NTM: variants seen among roughly 807,000 people sequenced by gnomAD.
NTM encodes the protein neurotrimin.
A neutral mutation model predicts 42.1 loss-of-function variants in NTM; 13 were observed. That is an observed-to-expected ratio of 0.31 (90% CI 0.20 to 0.49). The LOEUF is 0.49. NTM is among the 20% of genes least tolerant of loss of function. The pLI is 0.99. For missense variants in NTM, 373 were observed against 452.8 expected, an observed-to-expected ratio of 0.82 and a Z score of 1.60; for synonymous variants, 187 against 179.2, an observed-to-expected ratio of 1.04 and a Z score of -0.35.
At chr11:131,423,576 G>A (rs1281392949) in intron 1 of NTM, among the ~76,000 whole-genome samples, 1 of 152,136 alleles carries the variant, frequency 6.6e-6, no homozygotes, top group African/African-American at 2.4e-5. Context: ...CTTCCTATTG[G>A]TAAGTGGTGG....
At chr11:131,440,213 T>C (rs1949502150) in intron 1 of NTM, among the ~76,000 whole-genome samples, 1 of 152,108 alleles carries the variant, frequency 6.6e-6, no homozygotes, top group Non-Finnish European at 1.5e-5. Flanking sequence ...TAACTTCTTT[T>C]AATTTCTAGG....
chr11:132,004,346 TTAC>T (rs1429347844), intron 2 of NTM, among the ~76,000 whole-genome samples: 2 of 152,212 alleles, frequency 1.3e-5, no homozygotes, highest in Non-Finnish European at 2.9e-5. Flanking sequence ...TATGTCTCAT[TTAC>T]TAAGTAAAAA....
chr11:131,585,941 C>T (rs960001845), intron 1 of NTM, among the ~76,000 whole-genome samples: 2 of 152,214 alleles, frequency 1.3e-5, no homozygotes, highest in African/African-American at 4.8e-5. Flanking sequence ...AGGCTTCCAT[C>T]CCCACAAGTT....
At chr11:131,548,709 A>T (rs887113158) in intron 1 of NTM, among the ~76,000 whole-genome samples, 1 of 152,108 alleles carries the variant, frequency 6.6e-6, no homozygotes, top group African/African-American at 2.4e-5. Context: ...TATTTATGTG[A>T]TATCTATCAA....
chr11:132,202,146 A>G (rs1241602589), intron 3 of NTM, among the ~76,000 whole-genome samples: 1 of 152,028 alleles, frequency 6.6e-6, no homozygotes, highest in Non-Finnish European at 1.5e-5. Context: ...GTTTTCAGGG[A>G]CACCTTATTA....
intron 2 of NTM, among the ~76,000 whole-genome samples, chr11:132,060,696 T>C (rs1338068033): frequency 6.6e-6 from 1 of 152,224 alleles, no homozygotes; most frequent in Non-Finnish European, 1.5e-5. Flanking sequence ...CTTTAGGATT[T>C]GCAATCTCTG....
At chr11:131,891,628 G>A (rs1204257953) in intron 1 of NTM, among the ~76,000 whole-genome samples, 1 of 152,106 alleles carries the variant, frequency 6.6e-6, no homozygotes, top group Non-Finnish European at 1.5e-5. Flanking sequence ...GTGGCCACTG[G>A]AAAGCACCCC....
At chr11:131,984,564 G>T (rs922800887) in intron 2 of NTM, 1 of 152,186 alleles carries the variant, frequency 6.6e-6, no homozygotes, top group African/African-American at 2.4e-5. Flanking sequence ...CATCTGAAGT[G>T]GTCATTGTGG....
At chr11:131,835,899 A>G (rs957966367) in intron 1 of NTM, among the ~76,000 whole-genome samples, 1 of 152,204 alleles carries the variant, frequency 6.6e-6, no homozygotes, top group African/African-American at 2.4e-5. Flanking sequence ...GATGACATAC[A>G]CATGTCATAG....
chr11:131,850,769 C>A (rs2045435593), intron 1 of NTM, among the ~76,000 whole-genome samples: 1 of 152,172 alleles, frequency 6.6e-6, no homozygotes, highest in South Asian at 2.1e-4. Flanking sequence ...GATAAATGTC[C>A]TGGCAGGAAA....
intron 1 of NTM, among the ~76,000 whole-genome samples, chr11:131,748,879 G>A (rs546552438): frequency 3.4e-4 from 52 of 152,266 alleles, no homozygotes; most frequent in African/African-American, 1.2e-3. Flanking sequence ...AGTGCCAGGC[G>A]GCCCTGCTTT....
At chr11:131,773,713 G>T (rs1439295442) in intron 1 of NTM, among the ~76,000 whole-genome samples, 1 of 152,132 alleles carries the variant, frequency 6.6e-6, no homozygotes, top group Non-Finnish European at 1.5e-5. Flanking sequence ...CTAATACGTT[G>T]CTTCAAACTC....
chr11:132,181,972 T>C (rs1193711098), intron 3 of NTM, among the ~76,000 whole-genome samples: 1 of 147,402 alleles, frequency 6.8e-6, no homozygotes, highest in African/African-American at 2.5e-5. Flanking sequence ...TTATTATTAT[T>C]ATTATTATTA....
chr11:131,803,028 A>G (rs1170949519), intron 1 of NTM, among the ~76,000 whole-genome samples: 1 of 152,164 alleles, frequency 6.6e-6, no homozygotes, highest in Non-Finnish European at 1.5e-5. Context: ...TAATTCTAGC[A>G]TGTCATGTAC....
At chr11:131,555,101 G>T (rs1363065023) in intron 1 of NTM, among the ~76,000 whole-genome samples, 3 of 152,132 alleles carry the variant, frequency 2.0e-5, no homozygotes, top group East Asian at 3.9e-4. Flanking sequence ...ATTTGAAGCT[G>T]CAGTGAGCTA....
chr11:131,655,384 C>T (rs1476533628), intron 1 of NTM, among the ~76,000 whole-genome samples: 1 of 152,166 alleles, frequency 6.6e-6, no homozygotes, highest in Non-Finnish European at 1.5e-5. Flanking sequence ...GGAGAAGATG[C>T]TAATTAGTAG....
At chr11:131,638,563 C>CAAAAAAAAAA (rs58374119) in intron 1 of NTM, among the ~76,000 whole-genome samples, 1 of 53,330 alleles carries the variant, frequency 1.9e-5, no homozygotes, top group Non-Finnish European at 3.4e-5. Context: ...GAGACTCCTT[C>CAAAAAAAAAA]AAAAAAAAAA....
rs192846255 is a variant in NTM at position 131,726,249 on chromosome 11, C to A, written c.83-185315C>A. 3.3e-3 allele frequency among the ~76,000 whole-genome samples: 509 copies of A among 152,290 alleles called. 2 individuals carry two copies. Among genetic ancestry groups the A allele is most frequent in the Non-Finnish European group, 4.9e-3 (330 of 68,012 alleles). The stretch of plus-strand genomic sequence containing the variant: ...CTAGAGCTCTCTCTAGCGACCCTAT[C>A]TTTTTTGTGGCAAGTTCTAGCCTCC... On this transcript the variant is annotated intron_variant, in intron 1 of 8. Coordinates refer to ENST00000683400, the MANE Select transcript of NTM (RefSeq NM_001352005.2).
intron 1 of NTM, among the ~76,000 whole-genome samples, chr11:131,776,826 T>C (rs1360814119): frequency 6.6e-6 from 1 of 152,152 alleles, no homozygotes; most frequent in Non-Finnish European, 1.5e-5. Context: ...CTAGAGCCTT[T>C]GAATCCTCAG....
Sources: allele counts gnomAD v4.1 joint callset (sites outside exome capture counted in the v4.1 genomes callset), GRCh38; gene constraint gnomAD v4.1.1; transcripts MANE v1.5; gene names NCBI Gene and HGNC (gene_info 2026-07-23, HGNC 2026-07-21).